The following PKLR variants were observed in gnomAD, a reference collection of about 807,000 sequenced individuals.
PKLR encodes pyruvate kinase L/R.
In PKLR, 38 loss-of-function variants were observed where a neutral mutation model predicts 53.6. That is an observed-to-expected ratio of 0.71 (90% CI 0.55 to 0.93). The LOEUF (loss-of-function observed/expected upper bound fraction) is 0.93, where lower values mean the gene tolerates loss of function less well. Among genes scored for constraint, PKLR ranks in the 40% least tolerant of loss-of-function variants. The probability of loss-of-function intolerance (pLI) is 0.00; values close to 1 mark genes in which losing one functional copy is unlikely to be tolerated. For missense variants in PKLR, 702 were observed against 787.3 expected (o/e 0.89, Z 1.30); for synonymous variants, 328 against 316.2 (o/e 1.04, Z -0.39).
In PKLR at chr1:155,300,174, GA is replaced by G; in HGVS notation, c.206del (p.Phe69SerfsTer39). 2 of 1,614,088 alleles carry G rather than the reference GA, an allele frequency of 1.2e-6. No homozygotes were observed. Among genetic ancestry groups the G allele is most frequent in the Non-Finnish European group, 1.7e-6 (2 of 1,180,020 alleles). The part of the protein sequence containing the change: ...QQLPAAMADT[F>X]LEHLCLLDID... Reference sequence around the variant, plus strand: ...TGTCCAGTAGGCAGAGGTGTTCCAGGAAGGTGTCTGCCATAGCAGCTGGCAG... The same window carrying G: ...TGTCCAGTAGGCAGAGGTGTTCCAGGAGGTGTCTGCCATAGCAGCTGGCAG... On this transcript the variant is annotated frameshift_variant, in exon 2 of 11. Transcript: ENST00000342741. LOFTEE classifies it high-confidence loss of function.
Position 155,295,585 on chromosome 1 carries a change from AG to A in PKLR, c.376-18del. On this transcript the variant is annotated intron_variant, in intron 3 of 10. Coordinates refer to ENST00000342741, the MANE Select transcript of PKLR (RefSeq NM_000298.6). The surrounding 1 kb of genome is among the most constrained non-coding windows in gnomAD (Gnocchi z 4.3). ...AGCATGGTACTGGGGGAGGGAGCGG[AG>A]CGAGGGTTTCAGGGGAAGGTGGCCA... 1 of 1,614,026 alleles carries A rather than the reference AG, an allele frequency of 6.2e-7. No individual in the cohort carries two copies. Among genetic ancestry groups the A allele is most frequent in the South Asian group, 1.1e-5 (1 of 91,068 alleles).
At chr1:155,299,018 CTT>C (rs750108520) in intron 2 of PKLR, among the ~76,000 whole-genome samples, 58 of 101,292 alleles carry the variant, frequency 5.7e-4, no homozygotes, top group South Asian at 1.9e-3. Flanking sequence ...TTCTTTCTTT[CTT>C]TCTTTCTTTC....
At chr1:155,296,043 A>T (rs1351267339) in intron 2 of PKLR, among the ~76,000 whole-genome samples, 1 of 152,116 alleles carries the variant, frequency 6.6e-6, no homozygotes, top group Non-Finnish European at 1.5e-5. Flanking sequence ...TGGGTATGTA[A>T]GTGCTGCTTG....
chr1:155,297,596 G>A (rs984094145), intron 2 of PKLR, among the ~76,000 whole-genome samples: 3 of 150,120 alleles, frequency 2.0e-5, no homozygotes, highest in South Asian at 2.1e-4. Flanking sequence ...TCTATTTTCA[G>A]TGCAGCAGCA....
At chr1:155,290,749 G>T in intron 10 of PKLR, 71 bp from the exon 11 acceptor site, 1 of 950,474 alleles carries the variant, frequency 1.1e-6, no homozygotes. Context: ...ATCACTTTGG[G>T]AAGCCAAGGC....
chr1:155,293,368 G>T lies in PKLR; in HGVS notation c.1270-25C>A. The T allele has an allele frequency of 6.2e-7, 1 of 1,614,224 alleles. No homozygotes were observed. Among genetic ancestry groups the T allele is most frequent in the Non-Finnish European group, 8.5e-7 (1 of 1,180,036 alleles). On this transcript the variant is annotated intron_variant, in intron 8 of 10. Transcript: ENST00000342741. The surrounding 1 kb of genome is among the most constrained non-coding windows in gnomAD (Gnocchi z 4.2). ...TCTGCAGGTGCCAGAATGTTAGTCT[G>T]GGAAGGGGCACTGGGGTATGGAAGG...
At position 155,300,293 on chromosome 1, in the gene PKLR, G is replaced by T; in HGVS notation, c.101-13C>A. ...TACCCCGCTGGCCCTGTGGTAGAAG[G>T]GGGCTCAGGGACTGCATGTCACCTG... On this transcript the variant is annotated splice_polypyrimidine_tract_variant and intron_variant, in intron 1 of 10. Coordinates refer to ENST00000342741, the MANE Select transcript of PKLR (RefSeq NM_000298.6). The T allele has an allele frequency of 6.4e-7, 1 of 1,568,012 alleles. No homozygotes were observed. Among genetic ancestry groups the T allele is most frequent in the South Asian group, 1.2e-5 (1 of 86,576 alleles).
chr1:155,302,044 T>C (rs980706609), upstream of PKLR, among the ~76,000 whole-genome samples: 1 of 151,830 alleles, frequency 6.6e-6, no homozygotes, highest in Admixed American at 6.6e-5. Context: ...CTTCCTTTTT[T>C]CTTTTTCTTT....
chr1:155,294,393 G>A lies in PKLR; in HGVS notation c.966-8C>T. ...TCCAGGATTTCATCAAACCTGAGAG[G>A]TTGGGAGAATCAAGGCAGAGGCAGG... On this transcript the variant is annotated splice_region_variant and splice_polypyrimidine_tract_variant and intron_variant, in intron 6 of 10. Coordinates refer to ENST00000342741, the MANE Select transcript of PKLR (RefSeq NM_000298.6). 1.2e-6 allele frequency: 2 copies of A among 1,614,216 alleles called. No individual in the cohort carries two copies. The highest frequency in any genetic ancestry group is 2.2e-5 in the East Asian group (1 of 44,876).
At chr1:155,299,999 G>T in intron 2 of PKLR, 99 bp downstream of exon 2, 2 of 1,274,308 alleles carry the variant, frequency 1.6e-6, no homozygotes, top group Non-Finnish European at 2.3e-6. Flanking sequence ...GAATGACTGT[G>T]TCAAACATGG....
In PKLR at chr1:155,290,517, G is replaced by T; in HGVS notation, c.*55C>A. On this transcript the variant is annotated 3_prime_UTR_variant, in exon 11 of 11. Coordinates refer to ENST00000342741, the MANE Select transcript of PKLR (RefSeq NM_000298.6). The stretch of plus-strand genomic sequence containing the variant: ...GGGTGTGGGCTGGAGAACGTAGACT[G>T]GGGAGGAAGGGATGGGGTACAAGGG... 1 of 1,047,648 alleles carries T rather than the reference G, an allele frequency of 9.5e-7. No homozygotes were observed. Among genetic ancestry groups the T allele is most frequent in the Non-Finnish European group, 1.5e-6 (1 of 669,626 alleles). 64.9% of individuals were successfully genotyped at this position (1,047,648 alleles called of 1,614,324 possible).
At chr1:155,304,390 T>C (rs1413738705), upstream of PKLR, among the ~76,000 whole-genome samples, 2 of 132,642 alleles carry the variant, frequency 1.5e-5, no homozygotes. Flanking sequence ...GCCGAGATCA[T>C]GCCATTGCAC....
At chr1:155,307,712 C>T in the PKLR span, among the ~76,000 whole-genome samples, 16 of 152,184 alleles carry the variant, frequency 1.1e-4, no homozygotes, top group Non-Finnish European at 1.5e-5. Context: ...CCAAGTGGCT[C>T]GTACTTGTAA....
chr1:155,300,567 C>G (rs1273244728), intron 1 of PKLR, among the ~76,000 whole-genome samples: 6 of 152,074 alleles, frequency 3.9e-5, no homozygotes, highest in African/African-American at 2.4e-5. Context: ...CTGACTAACT[C>G]TAGCCCAAGT....
upstream of PKLR, among the ~76,000 whole-genome samples, chr1:155,303,964 A>AC (rs1449480272): frequency 1.3e-5 from 2 of 152,184 alleles, no homozygotes; most frequent in Non-Finnish European, 2.9e-5. Context: ...TCTGAGGAAG[A>AC]AAAAGCTTGG....
At chr1:155,308,119 C>A in the PKLR span, among the ~76,000 whole-genome samples, 1 of 144,766 alleles carries the variant, frequency 6.9e-6, no homozygotes, top group African/African-American at 2.6e-5. Context: ...TGCAGTGGTT[C>A]GCTGGATCTC....
Position 155,294,272 on chromosome 1 carries a change from C to G in PKLR, c.1079G>C (p.Cys360Ser), listed in dbSNP as rs773803500. The G allele has an allele frequency of 2.5e-6, 4 of 1,614,108 alleles. No individual in the cohort carries two copies. The African/African-American group carries it at 5.3e-5, about 22-fold the overall frequency. ...FLAQKMMIGR[C>S]NLAGKPVVCA... is the part of the protein sequence containing the mutation. ...GACAACAGGCTTGCCCGCCAAGTTG[C>G]AGCGCCCAATCATCATCTTCTGAGC... The change falls in exon 7 of 11, where the codon TGC becomes TCC. Residue 360 changes from cysteine to serine, a missense_variant. By Grantham distance (112) the Cys-to-Ser change is moderately radical. Coordinates refer to ENST00000342741, the MANE Select transcript of PKLR (RefSeq NM_000298.6).
rs776545583 is a variant in PKLR at position 155,294,476 on chromosome 1, C to A, written c.965+6G>T. 2 of 1,614,230 alleles carry A rather than the reference C, an allele frequency of 1.2e-6. No individual in the cohort carries two copies. Among genetic ancestry groups the A allele is most frequent in the South Asian group, 2.2e-5 (2 of 91,084 alleles). On this transcript the variant is annotated splice_donor_region_variant and intron_variant, in intron 6 of 10. Transcript: ENST00000342741. ...GGGCCGAAGGGGAACAGAGCCCAAGCCTCACCTCTTCACGCCTTCGTGGTT... is the reference window on the plus strand; with the variant it reads ...GGGCCGAAGGGGAACAGAGCCCAAGACTCACCTCTTCACGCCTTCGTGGTT...
chr1:155,293,563 G>A lies in PKLR; in HGVS notation c.1144C>T (p.Arg382Trp), dbSNP rs140964046. 6.2e-6 allele frequency: 10 copies of A among 1,614,022 alleles called. No individual in the cohort carries two copies. The highest frequency in any genetic ancestry group is 7.6e-6 in the Non-Finnish European group (9 of 1,179,998). Residue 382 changes from arginine to tryptophan, a missense_variant, in exon 8 of 11, where the codon CGG (arginine) becomes TGG (tryptophan). This residue lies in a region of PKLR where 519 missense variants were observed against 537.1 expected (regional missense o/e 0.97). Transcript: ENST00000342741. The surrounding 1 kb of genome is among the most constrained non-coding windows in gnomAD (Gnocchi z 4.2). ...QMLESMITKP[R>W]PTRAETSDVA... is the part of the protein sequence containing the mutation. The stretch of plus-strand genomic sequence containing the variant: ...TCGCTTGTCTCTGCCCTCGTTGGCC[G>A]GGGCTTGGTAATCATGCTCTCCAGC...
Sources: allele counts gnomAD v4.1 joint callset (sites outside exome capture counted in the v4.1 genomes callset), GRCh38; gene constraint gnomAD v4.1.1; regional missense constraint gnomAD v4.1.1; non-coding constraint Gnocchi (gnomAD v3.1); transcripts MANE v1.5; gene names NCBI Gene and HGNC (gene_info 2026-07-23, HGNC 2026-07-21).